MGAT3: variants seen among roughly 807,000 people sequenced by gnomAD.
MGAT3 encodes the protein GlcNAc-T III.
MGAT3 carries 9 observed loss-of-function variants against 29.8 expected under a neutral mutation model. That is an observed-to-expected ratio of 0.30 (90% CI 0.18 to 0.53). The LOEUF (loss-of-function observed/expected upper bound fraction) is 0.53, where lower values mean the gene tolerates loss of function less well. Among genes scored for constraint, MGAT3 ranks in the 20% least tolerant of loss-of-function variants. The pLI, the probability that MGAT3 is intolerant of heterozygous loss-of-function variation, is 0.96. For synonymous variants in MGAT3, 397 were observed against 348.9 expected, an observed-to-expected ratio of 1.14 and a Z score of -1.54; for missense variants, 557 against 769.5, an observed-to-expected ratio of 0.72 and a Z score of 3.27.
chr22:39,462,698 A>G (rs1046433192), intron 1 of MGAT3, among the ~76,000 whole-genome samples: 1 of 152,218 alleles, frequency 6.6e-6, no homozygotes, highest in Non-Finnish European at 1.5e-5. Context: ...GGCCTTGCCC[A>G]TAAGTCAGGA....
At chr22:39,471,945 A>C (rs2145716456) in intron 1 of MGAT3, among the ~76,000 whole-genome samples, 1 of 152,224 alleles carries the variant, frequency 6.6e-6, no homozygotes, top group African/African-American at 2.4e-5. Flanking sequence ...CAGGGAAGGC[A>C]AGGGCTAGGA....
At chr22:39,472,640 G>C (rs1358017110) in intron 1 of MGAT3, 1 of 152,296 alleles carries the variant, frequency 6.6e-6, no homozygotes. Flanking sequence ...ACTGCTGCCT[G>C]GTTACCTGTT....
At chr22:39,462,588 G>A (rs2145708924) in intron 1 of MGAT3, among the ~76,000 whole-genome samples, 1 of 152,332 alleles carries the variant, frequency 6.6e-6, no homozygotes, top group East Asian at 1.9e-4. Context: ...CCACCGCCAG[G>A]AAGGGGACAG....
At chr22:39,486,031 CATTG>C (rs1929260772) in intron 1 of MGAT3, 1 of 325,832 alleles carries the variant, frequency 3.1e-6, no homozygotes, top group Admixed American at 4.6e-5. Context: ...TTAAATCTAT[CATTG>C]ATTGAGGAAA....
intron 1 of MGAT3, among the ~76,000 whole-genome samples, chr22:39,474,265 C>G (rs1403027813): frequency 1.3e-5 from 2 of 152,152 alleles, no homozygotes; most frequent in Non-Finnish European, 2.9e-5. Context: ...GGCAGCGAAT[C>G]CGATCATCTA....
chr22:39,484,554 G>A (rs1262063847), intron 1 of MGAT3, among the ~76,000 whole-genome samples: 2 of 151,956 alleles, frequency 1.3e-5, no homozygotes, highest in Non-Finnish European at 2.9e-5. Flanking sequence ...TGTATTTTTA[G>A]TAGTGACAGG....
chr22:39,483,467 A>G lies in MGAT3; in HGVS notation c.-1-3880A>G, dbSNP rs146054229. On this transcript the variant is annotated intron_variant, in intron 1 of 1. Coordinates refer to ENST00000341184, the MANE Select transcript of MGAT3 (RefSeq NM_002409.5). ...ACCATTGCACTCCAGCCTGGGCAAC[A>G]AGAGCAAAACTCCGTCTCAAAAAAA... is the stretch of plus-strand genomic sequence containing the variant. Among the ~76,000 whole-genome samples, 20 of 152,062 alleles carry G rather than the reference A, an allele frequency of 1.3e-4. No individual in the cohort carries two copies. In the East Asian group the frequency reaches 3.3e-3, roughly 25 times the overall value.
intron 1 of MGAT3, among the ~76,000 whole-genome samples, chr22:39,460,309 T>C (rs1345096249): frequency 6.6e-6 from 1 of 152,042 alleles, no homozygotes; most frequent in Non-Finnish European, 1.5e-5. Context: ...GAGATTAGAA[T>C]CCATTGGGGA....
At chr22:39,468,517 C>T (rs756794147) in intron 1 of MGAT3, among the ~76,000 whole-genome samples, 1 of 152,240 alleles carries the variant, frequency 6.6e-6, no homozygotes, top group Non-Finnish European at 1.5e-5. Flanking sequence ...TCTGCCACCG[C>T]TATCCCATTG....
rs529619874 is a variant in MGAT3, at chr22:39,488,493, C to G, written c.1146C>G (p.Arg382=). Residue 382 remains arginine (R), a synonymous_variant, in exon 2 of 2, where the codon CGC becomes CGG. Transcript: ENST00000341184. ...AVYGLDGIRL[R]RRQYYTMPNF... is the part of the protein sequence containing the mutation. ...ATGGGCTGGACGGCATCCGCCTGCG[C>G]CGCCGCCAGTACTACACCATGCCCA... 1 of 1,612,954 alleles carries G rather than the reference C, an allele frequency of 6.2e-7. No homozygotes were observed. Among genetic ancestry groups the G allele is most frequent in the African/African-American group, 1.3e-5 (1 of 75,052 alleles).
At chr22:39,468,139 C>T (rs1928708578) in intron 1 of MGAT3, among the ~76,000 whole-genome samples, 1 of 152,142 alleles carries the variant, frequency 6.6e-6, no homozygotes, top group East Asian at 1.9e-4. Context: ...TCCCTGGGTG[C>T]CCAGAGCCCC....
rs531743533 is a variant in MGAT3, at chr22:39,474,587, G to A, written c.-1-12760G>A. Among the ~76,000 whole-genome samples, 20 of 152,302 alleles carry A rather than the reference G, an allele frequency of 1.3e-4. No individual in the cohort carries two copies. In the East Asian group the frequency reaches 2.1e-3, roughly 16 times the overall value. ...CCCTGCACACTGGCCCAGCCCTCAC[G>A]GGCTCCCACTGCCTCCTGGCTCTGC... On this transcript the variant is annotated intron_variant, in intron 1 of 1. Coordinates refer to ENST00000341184, the MANE Select transcript of MGAT3 (RefSeq NM_002409.5).
intron 1 of MGAT3, among the ~76,000 whole-genome samples, chr22:39,481,268 G>A (rs947160561): frequency 2.6e-5 from 4 of 152,126 alleles, no homozygotes; most frequent in African/African-American, 7.2e-5. Flanking sequence ...TGCTCACGTC[G>A]CCTCCTCGGT....
intron 1 of MGAT3, chr22:39,476,816 C>T (rs1472630245): frequency 6.6e-6 from 1 of 152,234 alleles, no homozygotes; most frequent in African/African-American, 2.4e-5. Context: ...CGATGACCAC[C>T]AGTAGCTGGG....
At chr22:39,461,046 G>T (rs1377413674) in intron 1 of MGAT3, among the ~76,000 whole-genome samples, 2 of 152,066 alleles carry the variant, frequency 1.3e-5, no homozygotes, top group Non-Finnish European at 2.9e-5. Context: ...TCCAACCGGG[G>T]GCAATAGTAG....
chr22:39,467,050 G>A (rs575374460), intron 1 of MGAT3, among the ~76,000 whole-genome samples: 7 of 152,348 alleles, frequency 4.6e-5, no homozygotes, highest in Admixed American at 2.0e-4. Context: ...GCGGCTTGCA[G>A]TTTGCTTGCA....
chr22:39,484,585 CT>C (rs1929219128), intron 1 of MGAT3, among the ~76,000 whole-genome samples: 1 of 151,982 alleles, frequency 6.6e-6, no homozygotes, highest in South Asian at 2.1e-4. Flanking sequence ...GTTGGCCAGG[CT>C]GGTCTCAAAC....
intron 1 of MGAT3, among the ~76,000 whole-genome samples, chr22:39,459,226 A>G (rs186738810): frequency 1.3e-5 from 2 of 152,160 alleles, no homozygotes; most frequent in Admixed American, 1.3e-4. Context: ...GGTGCCCGAC[A>G]CCACACCCGG....
At chr22:39,468,745 C>T (rs1456669555) in intron 1 of MGAT3, among the ~76,000 whole-genome samples, 3 of 150,658 alleles carry the variant, frequency 2.0e-5, no homozygotes, top group African/African-American at 7.5e-5. Flanking sequence ...TTGTGTGGGG[C>T]TCAGTGCTTG....
Sources: allele counts gnomAD v4.1 joint callset (sites outside exome capture counted in the v4.1 genomes callset), GRCh38; gene constraint gnomAD v4.1.1; transcripts MANE v1.5; gene names NCBI Gene and HGNC (gene_info 2026-07-23, HGNC 2026-07-21).